Variants in RNFT2 observed in about 807,000 individuals in gnomAD.
RNFT2 encodes E3 ubiquitin-protein ligase RNFT2.
RNFT2 carries 36 observed loss-of-function variants against 53.0 expected under a neutral mutation model. The observed-to-expected ratio is 0.68, with a 90% CI of 0.52 to 0.90. The LOEUF is 0.90. Ranked by LOEUF, RNFT2 falls within the 40% of genes least tolerant of loss-of-function variation. RNFT2 has a pLI of 0.00. For missense variants in RNFT2, 514 were observed against 585.6 expected (o/e 0.88, Z 1.26); for synonymous variants, 260 against 253.2 (o/e 1.03, Z -0.26).
intron 7 of RNFT2, among the ~76,000 whole-genome samples, chr12:116,787,987 G>A (rs1215207211): frequency 1.3e-5 from 2 of 152,150 alleles, no homozygotes; most frequent in African/African-American, 2.4e-5. Flanking sequence ...GAGTGCAATG[G>A]CGCAATCTCG....
rs1877806077 is a variant in RNFT2, at chr12:116,849,569, CCT to C, written c.*124_*125del. 2.1e-6 allele frequency: 3 copies of C among 1,433,438 alleles called. No individual in the cohort carries two copies. In the Admixed American group the frequency reaches 7.6e-5, roughly 36 times the overall value. 88.8% of individuals were successfully genotyped at this position (1,433,438 alleles called of 1,614,324 possible). A position where few individuals can be genotyped will look rare whatever the true frequency, so the allele number is the denominator to read the frequency against. On this transcript the variant is annotated 3_prime_UTR_variant, in exon 11 of 11. Transcript: ENST00000257575. Reference sequence around the variant, plus strand: ...ACATCCTGCCTCTTGCCCTCCACCACCTCTGACCCCAAAGTCCCGCCCCTGTC... The same window carrying C: ...ACATCCTGCCTCTTGCCCTCCACCACCTGACCCCAAAGTCCCGCCCCTGTC...
At chr12:116,814,226 G>T (rs1053144306) in intron 7 of RNFT2, among the ~76,000 whole-genome samples, 1 of 152,044 alleles carries the variant, frequency 6.6e-6, no homozygotes, top group Non-Finnish European at 1.5e-5. Flanking sequence ...GTATTTTTTG[G>T]CCACCTATTC....
intron 10 of RNFT2, among the ~76,000 whole-genome samples, chr12:116,842,479 G>A (rs1225529071): frequency 1.3e-5 from 2 of 152,188 alleles, no homozygotes; most frequent in Non-Finnish European, 2.9e-5. Flanking sequence ...TGACCTGTCT[G>A]TTTGCTGTTA....
At chr12:116,840,384 G>T (rs1877190008) in intron 10 of RNFT2, among the ~76,000 whole-genome samples, 1 of 152,196 alleles carries the variant, frequency 6.6e-6, no homozygotes, top group African/African-American at 2.4e-5. Context: ...ACAGAACCAG[G>T]ATTCAAATCC....
intron 7 of RNFT2, among the ~76,000 whole-genome samples, chr12:116,813,641 T>C (rs892421554): frequency 1.3e-5 from 2 of 152,208 alleles, no homozygotes; most frequent in African/African-American, 4.8e-5. Context: ...AGAGATCAAG[T>C]CTCTTGTATA....
Position 116,852,504 on chromosome 12 carries a change from G to A in RNFT2, c.*3056G>A. ...CATGATGTTACAATCCCACTTGCCT[G>A]AATAATCAAGTGGGAAGGGGAAGCA... On this transcript the variant is annotated 3_prime_UTR_variant, in exon 11 of 11. Transcript: ENST00000257575. The A allele has an allele frequency of 2.0e-6, 3 of 1,520,004 alleles. No individual in the cohort carries two copies. The highest frequency in any genetic ancestry group is 2.6e-6 in the Non-Finnish European group (3 of 1,133,836). 94.2% of individuals were successfully genotyped at this position (1,520,004 alleles called of 1,614,324 possible). A position where few individuals can be genotyped will look rare whatever the true frequency, so the allele number is the denominator to read the frequency against.
intron 4 of RNFT2, 145 bp from the exon 5 acceptor site, chr12:116,753,839 A>G (rs1252082155): frequency 6.4e-6 from 4 of 621,716 alleles, no homozygotes; most frequent in Admixed American, 2.9e-5. Flanking sequence ...CCAAATCCCC[A>G]AGAAGTGGGA....
intron 10 of RNFT2, among the ~76,000 whole-genome samples, chr12:116,845,463 G>T (rs1365933483): frequency 6.6e-6 from 1 of 152,000 alleles, no homozygotes; most frequent in African/African-American, 2.4e-5. Context: ...TAAAACAGGG[G>T]AGACATGATT....
At chr12:116,810,381 G>A (rs1875314128) in intron 7 of RNFT2, among the ~76,000 whole-genome samples, 1 of 152,178 alleles carries the variant, frequency 6.6e-6, no homozygotes, top group Non-Finnish European at 1.5e-5. Flanking sequence ...AAACAGTTCG[G>A]GGTGTGCGTT....
rs139900012 is a variant in RNFT2, at chr12:116,817,495, G to A, written c.883-16297G>A. 4.9e-3 allele frequency among the ~76,000 whole-genome samples: 744 copies of A among 152,268 alleles called. 6 individuals carry two copies. The highest frequency in any genetic ancestry group is 0.017 in the African/African-American group (695 of 41,526). On this transcript the variant is annotated intron_variant, in intron 7 of 10. Transcript: ENST00000257575. Reference sequence around the variant, plus strand: ...CTTCTTCCTTGCTGTTATTAAAGGTGAGAGCATAAGCTGTATAACCTTGTC... The same window carrying A: ...CTTCTTCCTTGCTGTTATTAAAGGTAAGAGCATAAGCTGTATAACCTTGTC...
chr12:116,823,818 C>T (rs1248620150), intron 7 of RNFT2, among the ~76,000 whole-genome samples: 1 of 152,232 alleles, frequency 6.6e-6, no homozygotes, highest in Non-Finnish European at 1.5e-5. Flanking sequence ...TACCATGCGC[C>T]AGGCACTGAA....
intron 7 of RNFT2, among the ~76,000 whole-genome samples, chr12:116,824,160 G>A (rs187311368): frequency 2.6e-5 from 4 of 151,966 alleles, no homozygotes; most frequent in African/African-American, 7.2e-5. Flanking sequence ...AACCCTCCCC[G>A]TCTCACTCCT....
intron 3 of RNFT2, among the ~76,000 whole-genome samples, chr12:116,742,320 T>C (rs1039562865): frequency 2.0e-5 from 3 of 148,478 alleles, no homozygotes; most frequent in African/African-American, 7.4e-5. Context: ...CAGGCTAGAA[T>C]GCAGTGGCAC....
In RNFT2 at chr12:116,750,220, G is replaced by A. The variant is rs1872125009; in HGVS notation, c.463G>A (p.Glu155Lys). 6.2e-7 allele frequency: 1 copy of A among 1,606,786 alleles called. No individual in the cohort carries two copies. Among genetic ancestry groups the A allele is most frequent in the Non-Finnish European group, 8.5e-7 (1 of 1,179,094 alleles). Reference sequence around the variant, plus strand: ...TGGGACGCCCGCCCCCGCCCTGTCCGAGCTGAAGGCTGTGATCTGCTGGCT... The same window carrying A: ...TGGGACGCCCGCCCCCGCCCTGTCCAAGCTGAAGGCTGTGATCTGCTGGCT... ...QPGTPAPALS[E>K]LKAVICWLQK... is the part of the protein sequence containing the mutation. Residue 155 changes from glutamate to lysine, a missense_variant, in exon 4 of 11, where the codon GAG becomes AAG. Physicochemically the swap from Glu to Lys is moderately conservative, Grantham distance 56 (BLOSUM62 1). Coordinates refer to ENST00000257575, the MANE Select transcript of RNFT2 (RefSeq NM_001382266.1).
intron 7 of RNFT2, among the ~76,000 whole-genome samples, chr12:116,789,534 G>A (rs1011073312): frequency 2.7e-5 from 4 of 148,814 alleles, no homozygotes; most frequent in Non-Finnish European, 6.0e-5. Context: ...ATGGGTGGAT[G>A]GGTAAATGGG....
intron 4 of RNFT2, among the ~76,000 whole-genome samples, chr12:116,750,768 AAC>A (rs59203442): frequency 0.036 from 4,985 of 138,404 alleles, 209 homozygotes; most frequent in African/African-American, 0.063. Context: ...ATATGTGTAA[AAC>A]ACATTATTTT....
rs1565879104 is a variant in RNFT2 at position 116,851,924 on chromosome 12, C to CATTG, written c.*2477_*2480dup. On this transcript the variant is annotated 3_prime_UTR_variant, in exon 11 of 11. Transcript: ENST00000257575. ...CAGGCCTGTCAGCAGCTCCTGTGGA[C>CATTG]ATTGCCATCCCCTCTGGTAGCCTTC... 6.5e-7 allele frequency: 1 copy of CATTG among 1,533,672 alleles called. No individual in the cohort carries two copies. Among genetic ancestry groups the CATTG allele is most frequent in the South Asian group, 1.2e-5 (1 of 83,300 alleles).
intron 7 of RNFT2, among the ~76,000 whole-genome samples, chr12:116,781,821 A>G (rs1160031070): frequency 6.6e-6 from 1 of 152,062 alleles, no homozygotes; most frequent in South Asian, 2.1e-4. Context: ...TCACGCCTGT[A>G]ATCCTAGCAC....
intron 6 of RNFT2, among the ~76,000 whole-genome samples, chr12:116,769,004 T>G (rs545342084): frequency 6.6e-6 from 1 of 152,254 alleles, no homozygotes; most frequent in South Asian, 2.1e-4. Context: ...GTGCTGAGAT[T>G]GCAGGCGTGA....
Sources: gnomAD v4.1 joint callset for allele counts (sites outside exome capture counted in the v4.1 genomes callset) on GRCh38, gnomAD v4.1.1 for gene constraint, MANE v1.5 for transcripts, NCBI Gene and HGNC (gene_info 2026-07-23, HGNC 2026-07-21) for gene names.